ACOT7: variants seen among roughly 807,000 people sequenced by gnomAD.
ACOT7 encodes the protein cytosolic acyl coenzyme A thioester hydrolase.
ACOT7 carries 12 observed loss-of-function variants against 40.2 expected under a neutral mutation model. The observed-to-expected ratio is 0.30, with a 90% CI of 0.19 to 0.48. The LOEUF (loss-of-function observed/expected upper bound fraction) is 0.48, where lower values mean the gene tolerates loss of function less well. ACOT7 is among the 20% of genes least tolerant of loss of function. ACOT7 has a pLI of 0.99. For missense variants in ACOT7, 395 were observed against 530.8 expected (o/e 0.74, Z 2.51); for synonymous variants, 228 against 219.5 (o/e 1.04, Z -0.34).
rs1000310156 is a variant in ACOT7, at chr1:6,311,233, C to G, written c.712+7259G>C. Among the ~76,000 whole-genome samples, 2 of 152,160 alleles carry G rather than the reference C, an allele frequency of 1.3e-5. No individual in the cohort carries two copies. Among genetic ancestry groups the G allele is most frequent in the Non-Finnish European group, 2.9e-5 (2 of 68,028 alleles). ...AGCAGAGTTAGTTTTTACTCAGAGC[C>G]GATGTGATCAGTAAACGTTGAGGTT... On this transcript the variant is annotated intron_variant, in intron 6 of 8. Coordinates refer to ENST00000361521, the MANE Select transcript of ACOT7 (RefSeq NM_007274.4). This position sits in a 1 kb window ranked among gnomAD's most constrained non-coding sequence, Gnocchi z 5.2.
At chr1:6,268,741 C>G (rs967233409) in intron 8 of ACOT7, among the ~76,000 whole-genome samples, 1 of 152,256 alleles carries the variant, frequency 6.6e-6, no homozygotes, top group Non-Finnish European at 1.5e-5. Context: ...CTTCATACAG[C>G]CCGGTCCTCA....
chr1:6,376,637 G>A (rs1642237889), intron 1 of ACOT7, among the ~76,000 whole-genome samples: 1 of 151,158 alleles, frequency 6.6e-6, no homozygotes, highest in Non-Finnish European at 1.5e-5. Context: ...TGAGGCAGGA[G>A]AATAGCTTGA....
chr1:6,271,257 C>T lies in ACOT7; in HGVS notation c.1015-6562G>A, dbSNP rs538316812. Among the ~76,000 whole-genome samples, 10 of 152,302 alleles carry T rather than the reference C, an allele frequency of 6.6e-5. No homozygotes were observed. The East Asian group carries it at 9.6e-4, about 15-fold the overall frequency. On this transcript the variant is annotated intron_variant, in intron 8 of 8. Coordinates refer to ENST00000361521, the MANE Select transcript of ACOT7 (RefSeq NM_007274.4). ...AGGACGAGTGACTAAGTTCCACCCT[C>T]GGTAAAATCAATAGCTTGTCCTTTT...
intron 1 of ACOT7, among the ~76,000 whole-genome samples, chr1:6,372,997 G>C (rs972709234): frequency 6.6e-6 from 1 of 152,128 alleles, no homozygotes; most frequent in African/African-American, 2.4e-5. Context: ...GGAAATAGCC[G>C]GTCAGTGGGG....
intron 4 of ACOT7, among the ~76,000 whole-genome samples, chr1:6,328,976 T>C (rs958163518): frequency 2.0e-5 from 3 of 152,226 alleles, no homozygotes; most frequent in African/African-American, 7.2e-5. Flanking sequence ...CTGGCTGTTC[T>C]GATTAGCCTC....
chr1:6,381,647 T>C (rs1642337037), intron 1 of ACOT7, among the ~76,000 whole-genome samples: 1 of 151,778 alleles, frequency 6.6e-6, no homozygotes, highest in African/African-American at 2.4e-5. Context: ...AGATTTAAAA[T>C]AGAATTGCCA....
At chr1:6,345,459 G>C (rs900941858) in intron 2 of ACOT7, among the ~76,000 whole-genome samples, 6 of 152,246 alleles carry the variant, frequency 3.9e-5, no homozygotes, top group African/African-American at 1.4e-4. Context: ...CCACGTCTCA[G>C]TCTCTGTAAA....
chr1:6,333,046 G>A (rs569441188), intron 4 of ACOT7, among the ~76,000 whole-genome samples: 1 of 152,236 alleles, frequency 6.6e-6, no homozygotes, highest in Middle Eastern at 3.4e-3. Context: ...CAGCTGGCCC[G>A]GCCCCCGCAG....
chr1:6,340,870 T>A (rs1164045511), intron 2 of ACOT7, among the ~76,000 whole-genome samples: 1 of 152,012 alleles, frequency 6.6e-6, no homozygotes, highest in East Asian at 2.0e-4. Flanking sequence ...ACTCCATCTC[T>A]ACTAAAAATA....
At chr1:6,321,949 C>A (rs769793204) in intron 5 of ACOT7, among the ~76,000 whole-genome samples, 1 of 152,234 alleles carries the variant, frequency 6.6e-6, no homozygotes, top group Non-Finnish European at 1.5e-5. Flanking sequence ...TCAGGGTGTA[C>A]TAAATTCCCC....
At chr1:6,341,047 C>G (rs1641264202) in intron 2 of ACOT7, among the ~76,000 whole-genome samples, 1 of 151,790 alleles carries the variant, frequency 6.6e-6, no homozygotes, top group Non-Finnish European at 1.5e-5. Flanking sequence ...AAAACAACAA[C>G]AACAACAAAA....
intron 8 of ACOT7, among the ~76,000 whole-genome samples, chr1:6,276,668 C>T (rs1381113223): frequency 4.0e-5 from 6 of 151,830 alleles, no homozygotes; most frequent in East Asian, 2.0e-4. Flanking sequence ...GCAGGTTCAC[C>T]GCACGGAGCA....
chr1:6,367,214 A>AG (rs1446540799), intron 1 of ACOT7, among the ~76,000 whole-genome samples: 2 of 151,834 alleles, frequency 1.3e-5, no homozygotes, highest in Admixed American at 6.6e-5. Context: ...AAAAAAAAAA[A>AG]GTGGAGTCAG....
chr1:6,380,697 T>A (rs1642318449), intron 1 of ACOT7, among the ~76,000 whole-genome samples: 1 of 144,020 alleles, frequency 6.9e-6, no homozygotes, highest in Non-Finnish European at 1.5e-5. Context: ...GTTGCACCTT[T>A]ACCTAATAGC....
At chr1:6,344,212 G>T (rs1027582733) in intron 2 of ACOT7, among the ~76,000 whole-genome samples, 14 of 152,176 alleles carry the variant, frequency 9.2e-5, no homozygotes, top group Admixed American at 1.3e-4. Context: ...GGCCTTGCAG[G>T]CCAGGATGTG....
At chr1:6,325,379 T>C (rs538172234) in intron 5 of ACOT7, among the ~76,000 whole-genome samples, 85 of 149,062 alleles carry the variant, frequency 5.7e-4, no homozygotes, top group Non-Finnish European at 9.0e-4. Context: ...GCCAGGAGGA[T>C]AGAGCGAGAT....
intron 8 of ACOT7, among the ~76,000 whole-genome samples, chr1:6,267,386 G>C (rs1363643985): frequency 6.6e-6 from 1 of 152,220 alleles, no homozygotes; most frequent in South Asian, 2.1e-4. Flanking sequence ...TGGGTGTCCT[G>C]GGGGGCTGGT....
At chr1:6,287,513 G>T (rs1215544658) in intron 7 of ACOT7, among the ~76,000 whole-genome samples, 1 of 152,260 alleles carries the variant, frequency 6.6e-6, no homozygotes, top group Non-Finnish European at 1.5e-5. Flanking sequence ...GGCATCAAGT[G>T]TGTCATATTA....
chr1:6,272,848 A>C (rs1418715252), intron 8 of ACOT7, among the ~76,000 whole-genome samples: 1 of 152,134 alleles, frequency 6.6e-6, no homozygotes, highest in African/African-American at 2.4e-5. Context: ...TCTAGCCGGG[A>C]TGCTCCCTCG....
Sources: gnomAD v4.1 joint callset for allele counts (sites outside exome capture counted in the v4.1 genomes callset) on GRCh38, gnomAD v4.1.1 for gene constraint, Gnocchi (gnomAD v3.1) non-coding constraint, MANE v1.5 for transcripts, NCBI Gene and HGNC (gene_info 2026-07-23, HGNC 2026-07-21) for gene names.